MAP3K2: variants seen among roughly 807,000 people sequenced by gnomAD.
The protein encoded by MAP3K2 is mitogen-activated protein kinase kinase kinase 2.
Under a neutral mutation model 80.3 loss-of-function variants are expected in MAP3K2, and 24 were observed. That is an observed-to-expected ratio of 0.30 (90% CI 0.22 to 0.42). The LOEUF (loss-of-function observed/expected upper bound fraction) is 0.42. MAP3K2 is among the 10% of genes least tolerant of loss of function. The pLI is 1.00. For synonymous variants in MAP3K2, 244 were observed against 253.7 expected (o/e 0.96, Z 0.36); for missense variants, 608 against 750.1 (o/e 0.81, Z 2.21).
At chr2:127,378,361 C>G (rs1457983293) in intron 1 of MAP3K2, among the ~76,000 whole-genome samples, 4 of 152,184 alleles carry the variant, frequency 2.6e-5, no homozygotes, top group Non-Finnish European at 5.9e-5. Context: ...ACATCCTTAA[C>G]AAACTAATTT....
chr2:127,353,267 C>T (rs1345843837), intron 1 of MAP3K2, among the ~76,000 whole-genome samples: 5 of 151,704 alleles, frequency 3.3e-5, no homozygotes, highest in Non-Finnish European at 7.4e-5. Flanking sequence ...CGTCTCTGCC[C>T]GGCCGCCCAT....
At chr2:127,346,982 C>G (rs1686607198) in intron 1 of MAP3K2, among the ~76,000 whole-genome samples, 1 of 151,912 alleles carries the variant, frequency 6.6e-6, no homozygotes, top group African/African-American at 2.4e-5. Context: ...CAGAGCGAGA[C>G]TCTGTCTCAA....
At position 127,321,951 on chromosome 2, in the gene MAP3K2, C is replaced by A. The variant is rs3732210; in HGVS notation, c.1045+95G>T. On this transcript the variant is annotated intron_variant, in intron 12 of 16. Transcript: ENST00000682094. The surrounding 1 kb of genome is among the most constrained non-coding windows in gnomAD (Gnocchi z 4.4). ...TACCTTTTTTGAGTAGTTCATCTGA[C>A]CCCAAAAACTCACTTAGTATTTATT... 2,110 of 1,073,410 alleles carry A rather than the reference C, an allele frequency of 2.0e-3. 33 individuals carry two copies. In the East Asian group the frequency reaches 0.023, roughly 12 times the overall value. The allele number at this position is 1,073,410 out of a possible 1,614,324, so 66.5% of individuals were successfully genotyped here.
At position 127,299,656 on chromosome 2, in the gene MAP3K2, G is replaced by A. The variant is rs1346066538; in HGVS notation, c.*7923C>T. On this transcript the variant is annotated 3_prime_UTR_variant, in exon 17 of 17. Coordinates refer to ENST00000682094, the MANE Select transcript of MAP3K2 (RefSeq NM_001371910.2). ...ATTTGCATTTCACGGAATTCTCAAA[G>A]AGAATTTAATGCTTTTTCTTGCAAG... 1.3e-5 allele frequency: 2 copies of A among 152,134 alleles called. No homozygotes were observed. The highest frequency in any genetic ancestry group is 2.9e-5 in the Non-Finnish European group (2 of 67,976). 9.4% of individuals were successfully genotyped at this position (152,134 alleles called of 1,614,324 possible).
chr2:127,342,076 G>GC (rs1418286814), intron 2 of MAP3K2, among the ~76,000 whole-genome samples: 1 of 152,138 alleles, frequency 6.6e-6, no homozygotes, highest in Non-Finnish European at 1.5e-5. Context: ...CTACTATAGA[G>GC]CAGTATTATT....
In MAP3K2 at chr2:127,326,824, G is replaced by C; in HGVS notation, c.467-7C>G. ...CTATCTCTACTAGTAGGACCTCAAG[G>C]AAGAAAAATAATGTAATTTATAATT... On this transcript the variant is annotated splice_polypyrimidine_tract_variant and splice_region_variant and intron_variant, in intron 7 of 16. Coordinates refer to ENST00000682094, the MANE Select transcript of MAP3K2 (RefSeq NM_001371910.2). The C allele has an allele frequency of 6.5e-7, 1 of 1,529,886 alleles. No individual in the cohort carries two copies. The highest frequency in any genetic ancestry group is 8.8e-7 in the Non-Finnish European group (1 of 1,136,398). The allele number at this position is 1,529,886 out of a possible 1,614,324, so 94.8% of individuals were successfully genotyped here.
chr2:127,318,359 C>A, intron 12 of MAP3K2, 42 bp from the exon 13 acceptor site: 1 of 1,500,800 alleles, frequency 6.7e-7, no homozygotes, highest in Non-Finnish European at 8.9e-7. Context: ...TCAAACAGCA[C>A]ACAAATAAAT....
intron 1 of MAP3K2, among the ~76,000 whole-genome samples, chr2:127,378,982 T>TTG (rs56071936): frequency 0.33 from 9,278 of 28,456 alleles, 609 homozygotes; most frequent in African/African-American, 0.43. Flanking sequence ...TTTTTTGTTG[T>TTG]TTTTTTTTTT....
At chr2:127,312,790 C>T (rs1217077910) in intron 15 of MAP3K2, among the ~76,000 whole-genome samples, 3 of 152,056 alleles carry the variant, frequency 2.0e-5, no homozygotes, top group Non-Finnish European at 1.5e-5. Flanking sequence ...TGGAGAAACC[C>T]CGTCTCTACT....
chr2:127,359,114 A>C (rs1428772717), intron 1 of MAP3K2, among the ~76,000 whole-genome samples: 2 of 152,178 alleles, frequency 1.3e-5, no homozygotes, highest in Non-Finnish European at 2.9e-5. Flanking sequence ...TTGTAATAGC[A>C]GATATACATC....
Position 127,362,510 on chromosome 2 carries a change from AT to A in MAP3K2, c.-65-19317del, listed in dbSNP as rs531716668. Among the ~76,000 whole-genome samples, 5 of 152,118 alleles carry A rather than the reference AT, an allele frequency of 3.3e-5. No homozygotes were observed. The South Asian group carries it at 8.3e-4, about 25-fold the overall frequency. The stretch of plus-strand genomic sequence containing the variant: ...TGTTTACAAATGTTTACAAATCTTA[AT>A]TTTTTTTCTATATTTGATTATTTTA... On this transcript the variant is annotated intron_variant, in intron 1 of 16. Coordinates refer to ENST00000682094, the MANE Select transcript of MAP3K2 (RefSeq NM_001371910.2).
At chr2:127,329,380 T>A (rs1156881235) in intron 7 of MAP3K2, among the ~76,000 whole-genome samples, 1 of 116,408 alleles carries the variant, frequency 8.6e-6, no homozygotes, top group South Asian at 2.8e-4. Context: ...TTTTTTGAGA[T>A]GGAGTCTTGC....
intron 1 of MAP3K2, among the ~76,000 whole-genome samples, chr2:127,381,985 C>G (rs902994120): frequency 1.3e-5 from 2 of 151,970 alleles, no homozygotes; most frequent in Non-Finnish European, 2.9e-5. Flanking sequence ...CTGTCTTGAT[C>G]TCTTAAAAAA....
At chr2:127,375,022 G>A (rs1162402736) in intron 1 of MAP3K2, among the ~76,000 whole-genome samples, 1 of 152,162 alleles carries the variant, frequency 6.6e-6, no homozygotes, top group Admixed American at 6.5e-5. Flanking sequence ...ATCAGCTGTA[G>A]AAAAGCACTT....
chr2:127,363,711 A>G (rs1451106452), intron 1 of MAP3K2, among the ~76,000 whole-genome samples: 1 of 152,146 alleles, frequency 6.6e-6, no homozygotes, highest in African/African-American at 2.4e-5. Flanking sequence ...GTATTTACTT[A>G]TTTATTTTAG....
At chr2:127,349,449 C>T (rs1686655281) in intron 1 of MAP3K2, among the ~76,000 whole-genome samples, 1 of 152,028 alleles carries the variant, frequency 6.6e-6, no homozygotes, top group Non-Finnish European at 1.5e-5. Context: ...TACAGGCCAT[C>T]CAGCCTGGTC....
chr2:127,358,846 T>G (rs1213955604), intron 1 of MAP3K2, among the ~76,000 whole-genome samples: 1 of 152,052 alleles, frequency 6.6e-6, no homozygotes, highest in Non-Finnish European at 1.5e-5. Flanking sequence ...GGAGAATCGC[T>G]TGAACCTGGA....
chr2:127,338,554 A>G lies in MAP3K2; in HGVS notation c.123+378T>C. 1.3e-5 allele frequency among the ~76,000 whole-genome samples: 2 copies of G among 151,712 alleles called. 1 individual carries two copies. The highest frequency in any genetic ancestry group is 2.9e-5 in the Non-Finnish European group (2 of 67,940). On this transcript the variant is annotated intron_variant, in intron 3 of 16. Coordinates refer to ENST00000682094, the MANE Select transcript of MAP3K2 (RefSeq NM_001371910.2). ...ATGTCTCCATGTGTTCTCATTATTT[A>G]CCCTCCACTTATAACTGAGAACATG...
chr2:127,312,514 A>C (rs542225310), intron 15 of MAP3K2, among the ~76,000 whole-genome samples: 1 of 152,280 alleles, frequency 6.6e-6, no homozygotes, highest in African/African-American at 2.4e-5. Context: ...AAATTTAATT[A>C]ACTGGGCATG....
Sources: gnomAD v4.1 joint callset for allele counts (sites outside exome capture counted in the v4.1 genomes callset) on GRCh38, gnomAD v4.1.1 for gene constraint, Gnocchi (gnomAD v3.1) non-coding constraint, MANE v1.5 for transcripts, NCBI Gene and HGNC (gene_info 2026-07-23, HGNC 2026-07-21) for gene names.